ADGRF5: variants seen among roughly 807,000 people sequenced by gnomAD.
The protein encoded by ADGRF5 is adhesion G protein-coupled receptor F5, also known as G-protein coupled receptor 116.
In ADGRF5, 75 loss-of-function variants were observed where a neutral mutation model predicts 132.3. The ratio of observed to expected loss-of-function variants is 0.57; its 90% CI spans 0.47 to 0.69. The LOEUF (loss-of-function observed/expected upper bound fraction) is 0.69. Among genes scored for constraint, ADGRF5 ranks in the 30% least tolerant of loss-of-function variants. The pLI is 0.00. For missense variants in ADGRF5, 1,516 were observed against 1,630.6 expected, an observed-to-expected ratio of 0.93 and a Z score of 1.21; for synonymous variants, 629 against 597.6, an observed-to-expected ratio of 1.05 and a Z score of -0.77.
In ADGRF5 at chr6:46,939,880, A is replaced by G. The variant is rs531564727; in HGVS notation, c.-25+14854T>C. On this transcript the variant is annotated intron_variant, in intron 1 of 20. Transcript: ENST00000265417. ...TCAATGGCATTTACATTTTAATACT[A>G]TAGATGGAGGAGTTTAGACTACTAG... Among the ~76,000 whole-genome samples, 7 of 152,328 alleles carry G rather than the reference A, an allele frequency of 4.6e-5. No individual in the cohort carries two copies. The South Asian group carries it at 1.0e-3, about 23-fold the overall frequency.
chr6:46,882,277 A>G (rs1239747082), intron 6 of ADGRF5, among the ~76,000 whole-genome samples, 170 bp from the exon 7 acceptor site: 1 of 152,168 alleles, frequency 6.6e-6, no homozygotes, highest in Non-Finnish European at 1.5e-5. Context: ...ATTCCTATCT[A>G]TGTCAGCCTG....
At chr6:46,897,448 A>G (rs1487548131) in intron 3 of ADGRF5, among the ~76,000 whole-genome samples, 2 of 152,196 alleles carry the variant, frequency 1.3e-5, no homozygotes, top group Non-Finnish European at 2.9e-5. Flanking sequence ...TCTGAAAATC[A>G]GAGCCCAGTT....
intron 1 of ADGRF5, among the ~76,000 whole-genome samples, chr6:46,940,319 G>A (rs2150942625): frequency 6.6e-6 from 1 of 152,256 alleles, no homozygotes; most frequent in South Asian, 2.1e-4. Flanking sequence ...TTTAGTTTGT[G>A]ACCATGACAT....
chr6:46,914,604 G>A (rs1057137512), intron 1 of ADGRF5, among the ~76,000 whole-genome samples: 5 of 152,200 alleles, frequency 3.3e-5, no homozygotes, highest in Non-Finnish European at 5.9e-5. Flanking sequence ...TGTGGGCGGC[G>A]TTGATAACCT....
intron 15 of ADGRF5, among the ~76,000 whole-genome samples, chr6:46,861,994 A>T (rs1242429791): frequency 6.6e-6 from 1 of 151,398 alleles, no homozygotes; most frequent in Non-Finnish European, 1.5e-5. Flanking sequence ...GTAACTACCC[A>T]ATTCGATTAT....
At chr6:46,879,795 C>A in intron 9 of ADGRF5, 23 bp downstream of exon 9, 4 of 1,468,240 alleles carry the variant, frequency 2.7e-6, no homozygotes, top group Non-Finnish European at 3.8e-6. Flanking sequence ...ATTCCTCACA[C>A]AAGTTACTGA....
Position 46,906,642 on chromosome 6 carries a change from A to G in ADGRF5, c.102+19T>C. On this transcript the variant is annotated intron_variant, in intron 2 of 20. Transcript: ENST00000283296. Reference sequence around the variant, plus strand: ...AAAATGTGACAAGAAAAATTATAGCAGATATGGATATAACTCACCAAAGGA... The same window carrying G: ...AAAATGTGACAAGAAAAATTATAGCGGATATGGATATAACTCACCAAAGGA... 8.6e-7 allele frequency: 1 copy of G among 1,157,244 alleles called. No homozygotes were observed. Among genetic ancestry groups the G allele is most frequent in the Non-Finnish European group, 1.3e-6 (1 of 779,142 alleles). 71.7% of individuals were successfully genotyped at this position (1,157,244 alleles called of 1,614,324 possible).
chr6:46,927,789 C>A (rs1777331336), intron 1 of ADGRF5, among the ~76,000 whole-genome samples: 1 of 152,130 alleles, frequency 6.6e-6, no homozygotes, highest in Admixed American at 6.5e-5. Flanking sequence ...ATAGAGTACT[C>A]AGAACAGCAT....
intron 8 of ADGRF5, 121 bp from the exon 9 acceptor site, chr6:46,880,160 G>A (rs765263568): frequency 7.1e-5 from 49 of 694,392 alleles, no homozygotes; most frequent in Non-Finnish European, 1.2e-4. Flanking sequence ...GTGCTGAACT[G>A]GCTGAGGCAA....
At chr6:46,937,435 G>A (rs1582067499) in intron 1 of ADGRF5, among the ~76,000 whole-genome samples, 1 of 152,020 alleles carries the variant, frequency 6.6e-6, no homozygotes, top group African/African-American at 2.4e-5. Flanking sequence ...GGTCAATTGT[G>A]GCTCCTACCT....
chr6:46,889,984 C>G (rs1380939963), intron 3 of ADGRF5, among the ~76,000 whole-genome samples: 1 of 151,996 alleles, frequency 6.6e-6, no homozygotes, highest in Non-Finnish European at 1.5e-5. Context: ...TGTCACTGAC[C>G]AGATCTATGA....
At chr6:46,869,382 G>C (rs1770805749) in intron 11 of ADGRF5, 3 of 985,190 alleles carry the variant, frequency 3.0e-6, no homozygotes, top group African/African-American at 1.7e-5. Context: ...GATCAGCAGG[G>C]TAAAAGGTTG....
At chr6:46,909,242 T>A (rs779188086) in intron 1 of ADGRF5, among the ~76,000 whole-genome samples, 1 of 152,300 alleles carries the variant, frequency 6.6e-6, no homozygotes, top group Non-Finnish European at 1.5e-5. Flanking sequence ...ATATTTCTTC[T>A]AAAATTCCTG....
At chr6:46,924,414 A>G (rs967818611), upstream of ADGRF5, among the ~76,000 whole-genome samples, 2 of 152,234 alleles carry the variant, frequency 1.3e-5, no homozygotes, top group African/African-American at 4.8e-5. Context: ...TGGGTTATCA[A>G]TAAAAGCAAG....
chr6:46,925,841 A>G (rs968726334), upstream of ADGRF5, among the ~76,000 whole-genome samples: 1 of 152,250 alleles, frequency 6.6e-6, no homozygotes, highest in African/African-American at 2.4e-5. Flanking sequence ...TGGCCAGCAT[A>G]GCTAAAGTAC....
chr6:46,869,099 A>G lies in ADGRF5; in HGVS notation c.1412-7T>C, dbSNP rs1283615125. On this transcript the variant is annotated splice_region_variant and splice_polypyrimidine_tract_variant and intron_variant, in intron 11 of 20. Transcript: ENST00000283296. ...GGGGTTATTGTTAGATTGGCTGAAAAAAAGGCAAACAAAACAGACAAAAGA... is the reference window on the plus strand; with the variant it reads ...GGGGTTATTGTTAGATTGGCTGAAAGAAAGGCAAACAAAACAGACAAAAGA... 1 of 1,612,824 alleles carries G rather than the reference A, an allele frequency of 6.2e-7. No homozygotes were observed. The highest frequency in any genetic ancestry group is 2.2e-5 in the East Asian group (1 of 44,874).
intron 3 of ADGRF5, among the ~76,000 whole-genome samples, chr6:46,898,688 C>T (rs1446946390): frequency 1.3e-5 from 2 of 152,146 alleles, no homozygotes; most frequent in Non-Finnish European, 2.9e-5. Flanking sequence ...GCCACTGCAC[C>T]GTGAAAGGCT....
intron 1 of ADGRF5, among the ~76,000 whole-genome samples, chr6:46,913,265 A>AG (rs547604855): frequency 9.6e-4 from 146 of 152,240 alleles, no homozygotes; most frequent in African/African-American, 3.4e-3. Flanking sequence ...TGGAAGGCCA[A>AG]GGGGGGCGGA....
chr6:46,934,998 CTTTTTT>C (rs56982002), intron 1 of ADGRF5, among the ~76,000 whole-genome samples: 1 of 86,706 alleles, frequency 1.2e-5, no homozygotes, highest in African/African-American at 4.7e-5. Context: ...GGTGATAGTT[CTTTTTT>C]TTTTTTTTTT....
Sources: gnomAD v4.1 joint callset for allele counts (sites outside exome capture counted in the v4.1 genomes callset) on GRCh38, gnomAD v4.1.1 for gene constraint, MANE v1.5 for transcripts, NCBI Gene and HGNC (gene_info 2026-07-23, HGNC 2026-07-21) for gene names.